The following PARD3B variants were observed in gnomAD, a reference collection of about 807,000 sequenced individuals.
PARD3B encodes the protein partitioning defective 3 homolog B.
In PARD3B, 103 loss-of-function variants were observed where a neutral mutation model predicts 130.2. The ratio of observed to expected loss-of-function variants is 0.79; its 90% CI spans 0.67 to 0.93. The LOEUF is 0.93. Among genes scored for constraint, PARD3B ranks in the 40% least tolerant of loss-of-function variants. PARD3B has a pLI of 0.00. For missense variants in PARD3B, 1,609 were observed against 1,499.2 expected, an observed-to-expected ratio of 1.07 and a Z score of -1.21; for synonymous variants, 583 against 553.2, an observed-to-expected ratio of 1.05 and a Z score of -0.76.
chr2:205,102,280 T>C (rs1453704175), intron 4 of PARD3B, among the ~76,000 whole-genome samples: 1 of 152,120 alleles, frequency 6.6e-6, no homozygotes, highest in Non-Finnish European at 1.5e-5. Flanking sequence ...CTTGGTGTTA[T>C]GTGCTTGATA....
At position 205,262,719 on chromosome 2, in the gene PARD3B, A is replaced by G. The variant is rs535036706; in HGVS notation, c.2185+16897A>G. ...AGTCATAGAAGTCACACTAAACACT[A>G]TGTAGGGGAATACATGACATGAAAA... On this transcript the variant is annotated intron_variant, in intron 16 of 22. Transcript: ENST00000406610. Among the ~76,000 whole-genome samples the G allele has an allele frequency of 2.6e-5, 4 of 152,222 alleles. No individual in the cohort carries two copies. The South Asian group carries it at 6.2e-4, about 24-fold the overall frequency.
chr2:205,575,418 G>A lies in PARD3B; in HGVS notation c.3260+22015G>A, dbSNP rs749737255. Among the ~76,000 whole-genome samples the A allele has an allele frequency of 1.6e-4, 25 of 151,782 alleles. 1 individual carries two copies. The highest frequency in any genetic ancestry group is 9.7e-4 in the East Asian group (5 of 5,150). On this transcript the variant is annotated intron_variant, in intron 22 of 22. Coordinates refer to ENST00000406610, the MANE Select transcript of PARD3B (RefSeq NM_001302769.2). This position sits in a 1 kb window ranked among gnomAD's most constrained non-coding sequence, Gnocchi z 4.6. ...CCATAGTTTACATTAGCGCTCTCTC[G>A]GTGTTGTTCATTCTGTGGGTTTGGA...
At chr2:204,850,913 A>G (rs930919527) in intron 2 of PARD3B, among the ~76,000 whole-genome samples, 6 of 152,224 alleles carry the variant, frequency 3.9e-5, no homozygotes, top group African/African-American at 1.4e-4. Context: ...AATGCTGTAC[A>G]AGGAATCATA....
Position 205,553,360 on chromosome 2 carries a change from C to G in PARD3B, c.3217C>G (p.Leu1073Val). 6 of 1,614,064 alleles carry G rather than the reference C, an allele frequency of 3.7e-6. No individual in the cohort carries two copies. The highest frequency in any genetic ancestry group is 4.2e-6 in the Non-Finnish European group (5 of 1,179,950). Residue 1073 changes from leucine (L) to valine (V), a missense_variant, in exon 22 of 23, where the codon CTC becomes GTC. Coordinates refer to ENST00000406610, the MANE Select transcript of PARD3B (RefSeq NM_001302769.2). ...GRGPDGNAHNLRFEGMERQYA... is the reference protein window; with the variant it reads ...GRGPDGNAHNVRFEGMERQYA... Reference sequence around the variant, plus strand: ...GGGTCCAGATGGGAATGCACACAACCTCCGCTTTGAAGGGATGGAGAGGCA... The same window carrying G: ...GGGTCCAGATGGGAATGCACACAACGTCCGCTTTGAAGGGATGGAGAGGCA...
intron 4 of PARD3B, among the ~76,000 whole-genome samples, chr2:205,072,608 A>G (rs939517006): frequency 2.6e-5 from 4 of 152,194 alleles, no homozygotes; most frequent in Admixed American, 2.6e-4. Flanking sequence ...GTGGTTCACA[A>G]CTATGGTACA....
chr2:205,121,950 G>T lies in PARD3B; in HGVS notation c.1165+1G>T, dbSNP rs1406621879. 3 of 1,593,966 alleles carry T rather than the reference G, an allele frequency of 1.9e-6. No individual in the cohort carries two copies. The stretch of plus-strand genomic sequence containing the variant: ...AAAATTAAGATTGACCTAAAGAAAG[G>T]TAATTATTAAATTATGCCTAATAGC... On this transcript the variant is annotated splice_donor_variant, in intron 8 of 22. Transcript: ENST00000406610. LOFTEE classifies it high-confidence loss of function. The surrounding 1 kb of genome is among the most constrained non-coding windows in gnomAD (Gnocchi z 5.0).
chr2:204,630,591 T>C (rs1161636357), intron 1 of PARD3B, among the ~76,000 whole-genome samples: 1 of 152,194 alleles, frequency 6.6e-6, no homozygotes, highest in Non-Finnish European at 1.5e-5. Context: ...CTTTAGCGTA[T>C]AGTTGCAATT....
At chr2:205,221,750 C>CTGT in intron 15 of PARD3B, among the ~76,000 whole-genome samples, 1 of 152,188 alleles carries the variant, frequency 6.6e-6, no homozygotes, top group African/African-American at 2.4e-5. Flanking sequence ...CTGTCTGTCT[C>CTGT]CGTCTCTGTC....
intron 3 of PARD3B, among the ~76,000 whole-genome samples, chr2:205,002,451 A>G (rs2125284473): frequency 6.6e-6 from 1 of 152,210 alleles, no homozygotes; most frequent in Middle Eastern, 3.4e-3. Context: ...GGAGGAAAAC[A>G]TTTCATTTTC....
chr2:205,106,472 A>C (rs1703220731), intron 5 of PARD3B, among the ~76,000 whole-genome samples: 1 of 146,302 alleles, frequency 6.8e-6, no homozygotes, highest in Non-Finnish European at 1.5e-5. Flanking sequence ...TTCTTTAGTT[A>C]AGAAATGTAT....
intron 3 of PARD3B, among the ~76,000 whole-genome samples, chr2:204,974,165 A>G (rs1434931633): frequency 6.6e-6 from 1 of 152,238 alleles, no homozygotes; most frequent in East Asian, 1.9e-4. Context: ...CAGATTCTTC[A>G]AACATCTTTA....
chr2:204,714,196 A>G (rs952547700), intron 2 of PARD3B, among the ~76,000 whole-genome samples: 2 of 152,160 alleles, frequency 1.3e-5, no homozygotes, highest in Non-Finnish European at 2.9e-5. Context: ...ATTATCCACA[A>G]TAGATATTTT....
chr2:204,676,700 T>C, intron 1 of PARD3B, among the ~76,000 whole-genome samples: 1 of 143,342 alleles, frequency 7.0e-6, no homozygotes. Flanking sequence ...GACAGAGTCT[T>C]GCTCTGTCAC....
chr2:205,527,331 T>C (rs923878594), intron 21 of PARD3B, among the ~76,000 whole-genome samples: 4 of 151,930 alleles, frequency 2.6e-5, no homozygotes, highest in Non-Finnish European at 5.9e-5. Context: ...GGGAAAAAAA[T>C]AGAAAAAGTC....
At chr2:205,026,406 A>G (rs898979058) in intron 3 of PARD3B, among the ~76,000 whole-genome samples, 1 of 152,206 alleles carries the variant, frequency 6.6e-6, no homozygotes, top group Non-Finnish European at 1.5e-5. Context: ...TAATTTACAA[A>G]TAAAAATTGT....
rs376795395 is a variant in PARD3B, at chr2:205,138,907, T to C, written c.1434+13170T>C. 2.0e-5 allele frequency among the ~76,000 whole-genome samples: 3 copies of C among 152,176 alleles called. No individual in the cohort carries two copies. The South Asian group carries it at 6.2e-4, about 31-fold the overall frequency. ...ATGGCAACGCTTGTTGCCATAGTAG[T>C]AGGCACAGATGGAGCCCTTCCTCCA... On this transcript the variant is annotated intron_variant, in intron 10 of 22. Transcript: ENST00000406610.
chr2:205,334,442 A>T (rs1247947947), intron 18 of PARD3B, among the ~76,000 whole-genome samples: 1 of 152,214 alleles, frequency 6.6e-6, no homozygotes, highest in Non-Finnish European at 1.5e-5. Context: ...GACAGAACTG[A>T]TCAGAGGAAA....
chr2:204,763,539 A>G (rs2041000827), intron 2 of PARD3B, among the ~76,000 whole-genome samples: 1 of 152,218 alleles, frequency 6.6e-6, no homozygotes. Flanking sequence ...AAAAATGAAT[A>G]TTAAAAAAAG....
At chr2:205,552,376 G>T (rs1327011663) in intron 21 of PARD3B, among the ~76,000 whole-genome samples, 1 of 152,058 alleles carries the variant, frequency 6.6e-6, no homozygotes, top group Non-Finnish European at 1.5e-5. Flanking sequence ...GTAAAGAAAG[G>T]TTTTATAGAA....
Sources: gnomAD v4.1 joint callset for allele counts (sites outside exome capture counted in the v4.1 genomes callset) on GRCh38, gnomAD v4.1.1 for gene constraint, Gnocchi (gnomAD v3.1) non-coding constraint, MANE v1.5 for transcripts, NCBI Gene and HGNC (gene_info 2026-07-23, HGNC 2026-07-21) for gene names.